Variants in RIT2 observed in about 807,000 individuals in gnomAD.
RIT2 encodes Ras like without CAAX 2.
In RIT2, 24 loss-of-function variants were observed where a neutral mutation model predicts 23.7. The observed-to-expected ratio is 1.01, with a 90% CI of 0.73 to 1.43. RIT2 has a LOEUF of 1.43. Ranked by LOEUF, RIT2 falls within the 40% of genes most tolerant of loss-of-function variation. RIT2 has a pLI of 0.00. For synonymous variants in RIT2, 107 were observed against 91.1 expected, an observed-to-expected ratio of 1.17 and a Z score of -0.99; for missense variants, 236 against 266.9, an observed-to-expected ratio of 0.88 and a Z score of 0.81.
At chr18:43,051,263 G>A (rs1421187729) in intron 1 of RIT2, among the ~76,000 whole-genome samples, 2 of 152,122 alleles carry the variant, frequency 1.3e-5, no homozygotes, top group African/African-American at 4.8e-5. Flanking sequence ...TGTTGTGGTA[G>A]CATCAAAGTA....
At chr18:43,084,153 A>G (rs554497864) in intron 1 of RIT2, among the ~76,000 whole-genome samples, 1 of 152,338 alleles carries the variant, frequency 6.6e-6, no homozygotes, top group South Asian at 2.1e-4. Flanking sequence ...ATCACTGGTC[A>G]TTAGAGAAAT....
At chr18:42,855,898 A>G (rs373500319) in intron 4 of RIT2, among the ~76,000 whole-genome samples, 7 of 152,260 alleles carry the variant, frequency 4.6e-5, no homozygotes, top group African/African-American at 1.7e-4. Context: ...CATTAGTGAA[A>G]TTTTAGTATT....
chr18:42,761,011 A>T (rs1388446372), intron 4 of RIT2, among the ~76,000 whole-genome samples: 4 of 152,220 alleles, frequency 2.6e-5, no homozygotes, highest in Non-Finnish European at 2.9e-5. Flanking sequence ...CAGACCTAAA[A>T]GCATTTTGCT....
intron 4 of RIT2, among the ~76,000 whole-genome samples, chr18:42,837,136 TC>T (rs1906626954): frequency 7.0e-6 from 1 of 143,496 alleles, no homozygotes; most frequent in Admixed American, 7.3e-5. Flanking sequence ...TATAAAAATT[TC>T]TTTTTTTTTC....
At chr18:42,900,333 C>A (rs1056985808) in intron 4 of RIT2, among the ~76,000 whole-genome samples, 3 of 152,084 alleles carry the variant, frequency 2.0e-5, no homozygotes, top group Admixed American at 6.6e-5. Context: ...AGAAAACCTA[C>A]CTTAGAGTCA....
At chr18:42,983,864 T>C (rs1452682890) in intron 2 of RIT2, among the ~76,000 whole-genome samples, 2 of 152,108 alleles carry the variant, frequency 1.3e-5, no homozygotes, top group Admixed American at 6.5e-5. Flanking sequence ...ATTAACCTAA[T>C]GCTGGTAAGA....
intron 2 of RIT2, among the ~76,000 whole-genome samples, chr18:42,986,499 TTTTA>T (rs569688168): frequency 2.6e-4 from 39 of 152,034 alleles, no homozygotes; most frequent in Non-Finnish European, 4.9e-4. Context: ...TTATTATGCA[TTTTA>T]TTTATTTATT....
intron 4 of RIT2, among the ~76,000 whole-genome samples, chr18:42,829,317 A>G (rs577736671): frequency 6.6e-6 from 1 of 152,320 alleles, no homozygotes; most frequent in South Asian, 2.1e-4. Flanking sequence ...TTACAAAAGT[A>G]AAAGTAATAT....
intron 3 of RIT2, among the ~76,000 whole-genome samples, chr18:42,943,950 C>T (rs990272638): frequency 2.0e-5 from 3 of 152,140 alleles, no homozygotes; most frequent in Admixed American, 1.3e-4. Context: ...AAGGACATCA[C>T]TATGGGGTAA....
At chr18:42,982,947 A>G (rs1910629388) in intron 2 of RIT2, among the ~76,000 whole-genome samples, 1 of 152,120 alleles carries the variant, frequency 6.6e-6, no homozygotes, top group South Asian at 2.1e-4. Flanking sequence ...AGAATTGCAG[A>G]ACATTTTTTG....
At chr18:43,093,124 G>A (rs897799702) in intron 1 of RIT2, among the ~76,000 whole-genome samples, 1 of 151,968 alleles carries the variant, frequency 6.6e-6, no homozygotes, top group African/African-American at 2.4e-5. Flanking sequence ...AAGAATATGT[G>A]AGTAAGTGGG....
chr18:43,048,137 T>G (rs1912291711), intron 1 of RIT2, among the ~76,000 whole-genome samples: 1 of 152,186 alleles, frequency 6.6e-6, no homozygotes, highest in Non-Finnish European at 1.5e-5. Flanking sequence ...TTTTCAGACT[T>G]TTAAGCCAGT....
At chr18:42,780,044 GA>G (rs1913770385) in intron 4 of RIT2, among the ~76,000 whole-genome samples, 1 of 91,612 alleles carries the variant, frequency 1.1e-5, no homozygotes. Flanking sequence ...TCTCAATTTA[GA>G]GGTTTTTTTT....
At chr18:42,813,996 T>C (rs1905922916) in intron 4 of RIT2, among the ~76,000 whole-genome samples, 1 of 152,148 alleles carries the variant, frequency 6.6e-6, no homozygotes, top group African/African-American at 2.4e-5. Flanking sequence ...ATTCTAACCC[T>C]ACCTGGAGCT....
intron 4 of RIT2, among the ~76,000 whole-genome samples, chr18:42,861,617 C>G (rs1366179139): frequency 6.6e-6 from 1 of 152,116 alleles, no homozygotes; most frequent in Non-Finnish European, 1.5e-5. Context: ...TAACAGAGAC[C>G]CCCATCTCTT....
intron 4 of RIT2, among the ~76,000 whole-genome samples, chr18:42,799,385 C>A (rs943112107): frequency 5.3e-5 from 8 of 152,154 alleles, no homozygotes. Context: ...TCTTTCATAT[C>A]CATTTGAATG....
intron 2 of RIT2, among the ~76,000 whole-genome samples, chr18:42,976,578 G>A (rs933902177): frequency 1.8e-4 from 27 of 151,976 alleles, no homozygotes; most frequent in South Asian, 8.3e-4. Context: ...TTGTGTTTGG[G>A]TCATGTAGTT....
At chr18:42,903,857 C>T (rs992833308) in intron 4 of RIT2, among the ~76,000 whole-genome samples, 2 of 151,980 alleles carry the variant, frequency 1.3e-5, no homozygotes, top group African/African-American at 4.8e-5. Context: ...AGTGAAAAAG[C>T]AAGCAAATCA....
In RIT2 at chr18:43,007,865, C is replaced by T. The variant is rs182671628; in HGVS notation, c.160+25946G>A. Among the ~76,000 whole-genome samples, 319 of 151,754 alleles carry T rather than the reference C, an allele frequency of 2.1e-3. 2 individuals are homozygous for T. The highest frequency in any genetic ancestry group is 7.4e-3 in the African/African-American group (309 of 41,480). On this transcript the variant is annotated intron_variant, in intron 2 of 4. Transcript: ENST00000326695. ...ACTAAAACAAGGAGTGATCAAATAGCATTGGTCATTTCATTTTATAAAAAC... is the reference window on the plus strand; with the variant it reads ...ACTAAAACAAGGAGTGATCAAATAGTATTGGTCATTTCATTTTATAAAAAC...
Sources: allele counts gnomAD v4.1 joint callset (sites outside exome capture counted in the v4.1 genomes callset), GRCh38; gene constraint gnomAD v4.1.1; transcripts MANE v1.5; gene names NCBI Gene and HGNC (gene_info 2026-07-23, HGNC 2026-07-21).